COLQ: variants seen among roughly 807,000 people sequenced by gnomAD.
The protein encoded by COLQ is acetylcholinesterase collagenic tail peptide.
COLQ carries 48 observed loss-of-function variants against 69.0 expected under a neutral mutation model. The ratio of observed to expected loss-of-function variants is 0.70; its 90% CI spans 0.55 to 0.88. The LOEUF (loss-of-function observed/expected upper bound fraction) is 0.88, where lower values mean the gene tolerates loss of function less well. Among genes scored for constraint, COLQ ranks in the 40% least tolerant of loss-of-function variants. The pLI is 0.00. For missense variants in COLQ, 618 were observed against 594.6 expected (o/e 1.04, Z -0.41); for synonymous variants, 217 against 211.2 (o/e 1.03, Z -0.24).
chr3:15,502,143 T>A (rs1253746826), intron 1 of COLQ, among the ~76,000 whole-genome samples: 2 of 150,626 alleles, frequency 1.3e-5, no homozygotes, highest in East Asian at 3.9e-4. Flanking sequence ...GAGATGGAGT[T>A]TTGCTCTTGT....
intron 1 of COLQ, chr3:15,496,091 C>T (rs1460144633): frequency 6.6e-6 from 1 of 152,364 alleles, no homozygotes; most frequent in Non-Finnish European, 1.5e-5. Flanking sequence ...TGATGAAGGA[C>T]CTTGTATCAT....
chr3:15,483,126 G>C (rs184816714), intron 3 of COLQ, among the ~76,000 whole-genome samples: 1 of 151,834 alleles, frequency 6.6e-6, no homozygotes, highest in Non-Finnish European at 1.5e-5. Context: ...TCTTGCTAGC[G>C]GTCTATTAAT....
intron 1 of COLQ, among the ~76,000 whole-genome samples, chr3:15,499,720 C>T (rs1379102065): frequency 2.0e-5 from 3 of 152,214 alleles, no homozygotes; most frequent in Non-Finnish European, 4.4e-5. Context: ...TGACTAGACA[C>T]AGTTCCCGCC....
intron 16 of COLQ, among the ~76,000 whole-genome samples, chr3:15,452,505 A>G (rs983768051): frequency 6.6e-6 from 1 of 152,180 alleles, no homozygotes; most frequent in Non-Finnish European, 1.5e-5. Flanking sequence ...GTTAAACCTT[A>G]CAGGCACAGT....
At chr3:15,486,013 C>G (rs938628321) in intron 3 of COLQ, among the ~76,000 whole-genome samples, 1 of 152,148 alleles carries the variant, frequency 6.6e-6, no homozygotes, top group Non-Finnish European at 1.5e-5. Flanking sequence ...GGAGGAGGAA[C>G]AAGCATCAGT....
Position 15,455,881 on chromosome 3 carries a change from G to A in COLQ, c.1195+18C>T, listed in dbSNP as rs765962280. 1.9e-6 allele frequency: 3 copies of A among 1,613,836 alleles called. No homozygotes were observed. The highest frequency in any genetic ancestry group is 2.5e-6 in the Non-Finnish European group (3 of 1,179,918). Reference sequence around the variant, plus strand: ...TGCTGTTCAGGCCTCAGGTCCTCCTGGTCTGGGCCTCACTCACGGATGCAG... The same window carrying A: ...TGCTGTTCAGGCCTCAGGTCCTCCTAGTCTGGGCCTCACTCACGGATGCAG... On this transcript the variant is annotated intron_variant, in intron 15 of 16. Coordinates refer to ENST00000383788, the MANE Select transcript of COLQ (RefSeq NM_005677.4).
intron 7 of COLQ, 124 bp from the exon 8 acceptor site, chr3:15,475,075 G>A (rs767090336): frequency 2.7e-5 from 29 of 1,074,822 alleles, no homozygotes; most frequent in Admixed American, 6.9e-5. Flanking sequence ...GTGAGTTTTA[G>A]TGGGGTTGCA....
intron 12 of COLQ, 33 bp downstream of exon 12, chr3:15,466,308 A>G: frequency 2.0e-6 from 3 of 1,512,562 alleles, no homozygotes; most frequent in South Asian, 1.1e-5. Flanking sequence ...CAGTACTCCA[A>G]CAGTGGATCA....
intron 3 of COLQ, among the ~76,000 whole-genome samples, chr3:15,486,518 A>G (rs1395775933): frequency 1.3e-5 from 2 of 152,216 alleles, no homozygotes; most frequent in African/African-American, 4.8e-5. Flanking sequence ...GTGTGTGACC[A>G]GAGAGCCACT....
intron 1 of COLQ, among the ~76,000 whole-genome samples, chr3:15,496,524 C>T (rs1413252670): frequency 6.6e-6 from 1 of 152,202 alleles, no homozygotes; most frequent in African/African-American, 2.4e-5. Context: ...TCTGGAAAAG[C>T]CCCGGAAGGC....
chr3:15,451,253 C>T lies in COLQ; in HGVS notation c.*391G>A. The T allele has an allele frequency of 6.4e-6, 2 of 310,852 alleles. No homozygotes were observed. The highest frequency in any genetic ancestry group is 1.3e-5 in the Non-Finnish European group (2 of 159,012). 19.3% of individuals were successfully genotyped at this position (310,852 alleles called of 1,614,324 possible). On this transcript the variant is annotated 3_prime_UTR_variant, in exon 17 of 17. Transcript: ENST00000383788. ...GTCAGGGGCGGAGAGGCCTGTACTC[C>T]AGATTCCCCAAAGAGATCAAAACAT...
intron 5 of COLQ, among the ~76,000 whole-genome samples, chr3:15,478,239 T>A (rs1195099513): frequency 6.6e-6 from 1 of 152,214 alleles, no homozygotes; most frequent in Non-Finnish European, 1.5e-5. Flanking sequence ...ATAGTTTTCA[T>A]CTGTGCCCTA....
At chr3:15,496,556 C>T (rs1465886212) in intron 1 of COLQ, among the ~76,000 whole-genome samples, 1 of 152,250 alleles carries the variant, frequency 6.6e-6, no homozygotes, top group African/African-American at 2.4e-5. Flanking sequence ...GAAAGCAATC[C>T]TGTGCGTATC....
At chr3:15,471,161 A>G (rs150272459) in intron 10 of COLQ, among the ~76,000 whole-genome samples, 101 of 152,318 alleles carry the variant, frequency 6.6e-4, no homozygotes, top group African/African-American at 2.3e-3. Context: ...GCCCACTCTT[A>G]GTAAGCATTG....
intron 15 of COLQ, among the ~76,000 whole-genome samples, chr3:15,454,558 T>A (rs534492695): frequency 7.2e-5 from 11 of 151,770 alleles, no homozygotes; most frequent in African/African-American, 2.4e-4. Context: ...GGGGATGCCA[T>A]CCCTGGAGCT....
At chr3:15,458,893 G>A (rs1203783948) in intron 12 of COLQ, among the ~76,000 whole-genome samples, 1 of 151,234 alleles carries the variant, frequency 6.6e-6, no homozygotes, top group Non-Finnish European at 1.5e-5. Context: ...GCCCAGGCTG[G>A]AGTGCAGTGG....
At chr3:15,495,409 C>T (rs977206649) in intron 1 of COLQ, among the ~76,000 whole-genome samples, 2 of 152,168 alleles carry the variant, frequency 1.3e-5, no homozygotes, top group African/African-American at 2.4e-5. Flanking sequence ...TAATTGAGTA[C>T]CTTAATTCAT....
chr3:15,487,935 T>C (rs2062600697), intron 3 of COLQ, among the ~76,000 whole-genome samples: 1 of 152,126 alleles, frequency 6.6e-6, no homozygotes, highest in Non-Finnish European at 1.5e-5. Context: ...TCCATAGAGG[T>C]GGCATCCTCA....
At chr3:15,496,385 T>A (rs2062746009) in intron 1 of COLQ, 1 of 155,988 alleles carries the variant, frequency 6.4e-6, no homozygotes, top group Non-Finnish European at 1.5e-5. Context: ...GGGAGCAGCT[T>A]CCCCCTCCCT....
Sources: allele counts gnomAD v4.1 joint callset (sites outside exome capture counted in the v4.1 genomes callset), GRCh38; gene constraint gnomAD v4.1.1; transcripts MANE v1.5; gene names NCBI Gene and HGNC (gene_info 2026-07-23, HGNC 2026-07-21).